The following TDRD9 variants were observed in gnomAD, a reference collection of about 807,000 sequenced individuals.
TDRD9 encodes ATP-dependent RNA helicase TDRD9.
TDRD9 carries 124 observed loss-of-function variants against 172.6 expected under a neutral mutation model. The ratio of observed to expected loss-of-function variants is 0.72; its 90% confidence interval spans 0.62 to 0.83. The LOEUF (loss-of-function observed/expected upper bound fraction) is 0.83. TDRD9 is among the 40% of genes least tolerant of loss of function. TDRD9 has a pLI of 0.00. For synonymous variants in TDRD9, 619 were observed against 617.1 expected, an observed-to-expected ratio of 1.00 and a Z score of -0.05; for missense variants, 1,479 against 1,714.1, an observed-to-expected ratio of 0.86 and a Z score of 2.42.
intron 6 of TDRD9, among the ~76,000 whole-genome samples, chr14:103,971,712 T>C (rs2033041416): frequency 6.6e-6 from 1 of 152,208 alleles, no homozygotes; most frequent in Admixed American, 6.5e-5. Context: ...GGCATTCTTT[T>C]ATGAACAGAG....
rs370003185 is a variant in TDRD9 at position 103,930,248 on chromosome 14, G to A, written c.215+1524G>A. 5.9e-5 allele frequency among the ~76,000 whole-genome samples: 9 copies of A among 151,726 alleles called. No homozygotes were observed. In the East Asian group the frequency reaches 1.4e-3, roughly 23 times the overall value. On this transcript the variant is annotated intron_variant, in intron 1 of 35. Coordinates refer to ENST00000409874, the MANE Select transcript of TDRD9 (RefSeq NM_153046.3). ...GTTGCCCAGGCTGGAGTGCAGTGGC[G>A]CAATGTTGGCTCACCACAAACCTCC... is the stretch of plus-strand genomic sequence containing the variant.
chr14:103,954,507 A>G (rs887918470), intron 1 of TDRD9, among the ~76,000 whole-genome samples: 39 of 152,232 alleles, frequency 2.6e-4, no homozygotes, highest in Non-Finnish European at 1.3e-4. Flanking sequence ...AAACAAATGA[A>G]TGTTTCCATG....
chr14:104,024,689 G>T lies in TDRD9; in HGVS notation c.2718+9G>T, dbSNP rs1369565421. ...CTATTGATGTCACAGAGGTAAGGAT[G>T]AAGTAATTGAGCTTTTCCTTCTTCT... is the stretch of plus-strand genomic sequence containing the variant. On this transcript the variant is annotated intron_variant, in intron 25 of 35. Coordinates refer to ENST00000409874, the MANE Select transcript of TDRD9 (RefSeq NM_153046.3). 1 of 1,499,784 alleles carries T rather than the reference G, an allele frequency of 6.7e-7. No homozygotes were observed. Among genetic ancestry groups the T allele is most frequent in the Non-Finnish European group, 9.2e-7 (1 of 1,083,896 alleles). 92.9% of individuals were successfully genotyped at this position (1,499,784 alleles called of 1,614,324 possible).
intron 35 of TDRD9, among the ~76,000 whole-genome samples, chr14:104,050,381 A>G (rs773273428): frequency 1.3e-5 from 2 of 152,184 alleles, no homozygotes; most frequent in Non-Finnish European, 2.9e-5. Flanking sequence ...CAGGGGCCAC[A>G]GTTGAGTCAT....
chr14:103,939,160 G>A (rs2031008465), intron 1 of TDRD9, among the ~76,000 whole-genome samples: 2 of 152,162 alleles, frequency 1.3e-5, no homozygotes, highest in African/African-American at 4.8e-5. Context: ...AAGTGGTATG[G>A]TGTTGTCCAG....
chr14:104,041,612 T>C (rs1789593396), intron 33 of TDRD9, among the ~76,000 whole-genome samples: 3 of 152,118 alleles, frequency 2.0e-5, no homozygotes, highest in Admixed American at 6.5e-5. Flanking sequence ...ATTAGGAAAA[T>C]GCAAATTGAG....
chr14:104,014,285 C>CTT (rs977891365), intron 20 of TDRD9, among the ~76,000 whole-genome samples: 6 of 141,328 alleles, frequency 4.2e-5, no homozygotes, highest in African/African-American at 1.5e-4. Flanking sequence ...GAGATTATTT[C>CTT]TTTTTTTTTT....
rs751921351 is a variant in TDRD9, at chr14:104,040,319, G to A, written c.3840G>A (p.Val1280=). ...TTGCGTTTGACGTTCAATTCAGCGTGGAGGATGTCGTCGAGGTAAGGGTAG... is the reference window on the plus strand; with the variant it reads ...TTGCGTTTGACGTTCAATTCAGCGTAGAGGATGTCGTCGAGGTAAGGGTAG... The part of the protein sequence containing the change: ...MELAFDVQFS[V]EDVVEVNILR... Residue 1280 remains valine (V), a synonymous_variant, in exon 33 of 36, where the codon GTG becomes GTA. Coordinates refer to ENST00000409874, the MANE Select transcript of TDRD9 (RefSeq NM_153046.3). 2.9e-5 allele frequency: 45 copies of A among 1,550,412 alleles called. 1 individual carries two copies. In the Middle Eastern group the frequency reaches 5.0e-4, roughly 17 times the overall value.
At chr14:104,038,316 G>T (rs1268204380) in intron 32 of TDRD9, among the ~76,000 whole-genome samples, 1 of 152,220 alleles carries the variant, frequency 6.6e-6, no homozygotes, top group Non-Finnish European at 1.5e-5. Context: ...AATTGAATGA[G>T]GGTGGATTAA....
At chr14:104,000,642 G>A (rs2034229881) in intron 13 of TDRD9, among the ~76,000 whole-genome samples, 1 of 152,006 alleles carries the variant, frequency 6.6e-6, no homozygotes, top group Non-Finnish European at 1.5e-5. Context: ...AAAATTTGCT[G>A]AGTGTGGTGG....
chr14:103,937,632 G>C (rs2030855008), intron 1 of TDRD9, among the ~76,000 whole-genome samples: 2 of 152,170 alleles, frequency 1.3e-5, no homozygotes, highest in Admixed American at 1.3e-4. Context: ...CCATCCCAAG[G>C]GGGGACCAGA....
At chr14:103,972,406 G>A (rs1025643814) in intron 6 of TDRD9, among the ~76,000 whole-genome samples, 5 of 152,218 alleles carry the variant, frequency 3.3e-5, no homozygotes, top group Admixed American at 2.0e-4. Context: ...AACAGAGTAT[G>A]TACTAGTATT....
chr14:104,006,270 A>G, intron 15 of TDRD9, 119 bp from the exon 16 acceptor site: 2 of 772,258 alleles, frequency 2.6e-6, no homozygotes, highest in South Asian at 2.0e-5. Flanking sequence ...TCATAAATTG[A>G]CTTAGAATGT....
At position 104,004,294 on chromosome 14, in the gene TDRD9, TG is replaced by T; in HGVS notation, c.1543del (p.Asp515ThrfsTer17). 6.2e-7 allele frequency: 1 copy of T among 1,605,938 alleles called. No homozygotes were observed. Among genetic ancestry groups the T allele is most frequent in the Non-Finnish European group, 8.5e-7 (1 of 1,174,190 alleles). On this transcript the variant is annotated frameshift_variant, in exon 14 of 36. Coordinates refer to ENST00000409874, the MANE Select transcript of TDRD9 (RefSeq NM_153046.3). LOFTEE classifies it high-confidence loss of function. ...YCYRLVHKDFWDNSIPDHVVP... is the reference protein window; with the variant it reads ...YCYRLVHKDFXDNSIPDHVVP... ...TTACCGGCTGGTACACAAGGATTTCTGGGACAACTCCATCCCTGATCATGTT... is the reference window on the plus strand; with the variant it reads ...TTACCGGCTGGTACACAAGGATTTCTGGACAACTCCATCCCTGATCATGTT...
At chr14:104,045,099 C>T (rs11627297) in intron 34 of TDRD9, among the ~76,000 whole-genome samples, 32,741 of 151,268 alleles carry the variant, frequency 0.22, 3,928 homozygotes, top group South Asian at 0.43. Flanking sequence ...GCCAAGATCA[C>T]GCCATTGCAC....
At chr14:104,034,375 A>G (rs2035385119) in intron 31 of TDRD9, among the ~76,000 whole-genome samples, 1 of 151,890 alleles carries the variant, frequency 6.6e-6, no homozygotes, top group Admixed American at 6.6e-5. Context: ...TATTTTTAGT[A>G]GAGATGGGGT....
intron 9 of TDRD9, among the ~76,000 whole-genome samples, chr14:103,991,450 G>C (rs1196009212): frequency 6.7e-6 from 1 of 149,778 alleles, no homozygotes; most frequent in Non-Finnish European, 1.5e-5. Context: ...GTCTTGCTCT[G>C]TTGCTAGGCT....
At chr14:104,007,379 C>G (rs1371594635) in intron 19 of TDRD9, among the ~76,000 whole-genome samples, 175 bp downstream of exon 19, 1 of 152,190 alleles carries the variant, frequency 6.6e-6, no homozygotes, top group African/African-American at 2.4e-5. Flanking sequence ...TCTCCGCAGA[C>G]TGGTCCTTTT....
In TDRD9 at chr14:104,008,451, C is replaced by A. The variant is rs778192510; in HGVS notation, c.2091C>A (p.Ile697=). ...LNWGRLNYIQ[I]KRIREVAELY... is the part of the protein sequence containing the mutation. ...GGGGACGGTTAAATTACATTCAAAT[C>A]AAGAGAATTAGAGAGGTAAGTTAAG... The change falls in exon 20 of 36, where the codon ATC becomes ATA. Residue 697 remains isoleucine, a synonymous_variant. Transcript: ENST00000409874. 3 of 1,565,308 alleles carry A rather than the reference C, an allele frequency of 1.9e-6. No individual in the cohort carries two copies. Among genetic ancestry groups the A allele is most frequent in the South Asian group, 2.2e-5 (2 of 89,046 alleles).
Sources: allele counts gnomAD v4.1 joint callset (sites outside exome capture counted in the v4.1 genomes callset), GRCh38; gene constraint gnomAD v4.1.1; transcripts MANE v1.5; gene names NCBI Gene and HGNC (gene_info 2026-07-23, HGNC 2026-07-21).